The following SGPP2 variants were observed in gnomAD, a reference collection of about 807,000 sequenced individuals.
SGPP2 encodes sphingosine 1-phosphate phosphohydrolase 2.
SGPP2 carries 30 observed loss-of-function variants against 33.9 expected under a neutral mutation model. The ratio of observed to expected loss-of-function variants is 0.89; its 90% CI spans 0.66 to 1.20. The LOEUF (loss-of-function observed/expected upper bound fraction) is 1.20. Among genes scored for constraint, SGPP2 ranks in the 50% most tolerant of loss-of-function variants. The pLI, the probability that SGPP2 is intolerant of heterozygous loss-of-function variation, is 0.00. For synonymous variants in SGPP2, 233 were observed against 225.0 expected (o/e 1.04, Z -0.32); for missense variants, 458 against 532.1 (o/e 0.86, Z 1.37).
rs113061865 is a variant in SGPP2 at position 222,540,151 on chromosome 2, G to T, written c.648+15118G>T. Among the ~76,000 whole-genome samples the T allele has an allele frequency of 4.5e-3, 684 of 152,224 alleles. 1 individual carries two copies. Among genetic ancestry groups the T allele is most frequent in the Non-Finnish European group, 7.7e-3 (525 of 68,012 alleles). ...AAACTAGGAGTGTTTTGGATTTGGG[G>T]TTTTTTCAGATTTTTGAATATTTGA... On this transcript the variant is annotated intron_variant, in intron 4 of 4. Coordinates refer to ENST00000321276, the MANE Select transcript of SGPP2 (RefSeq NM_152386.4).
At position 222,497,284 on chromosome 2, in the gene SGPP2, G is replaced by T. The variant is rs564465565; in HGVS notation, c.378+22558G>T. Among the ~76,000 whole-genome samples the T allele has an allele frequency of 1.2e-3, 144 of 116,094 alleles. 1 individual carries two copies. Among genetic ancestry groups the T allele is most frequent in the Admixed American group, 3.7e-3 (31 of 8,278 alleles). The allele number at this position is 116,094 out of a possible 152,430, so 76.2% of individuals were successfully genotyped here. On this transcript the variant is annotated intron_variant, in intron 2 of 4. Transcript: ENST00000321276. ...TTTTTTTTTTTTTAGACGGAGTCTTGCTCTGTCGCCCAGGCTGGAGTGCAA... is the reference window on the plus strand; with the variant it reads ...TTTTTTTTTTTTTAGACGGAGTCTTTCTCTGTCGCCCAGGCTGGAGTGCAA...
intron 2 of SGPP2, among the ~76,000 whole-genome samples, chr2:222,484,612 A>T (rs927540927): frequency 6.6e-6 from 1 of 152,186 alleles, no homozygotes. Flanking sequence ...CTTACCGAGA[A>T]AAAACAAACA....
chr2:222,433,146 T>A (rs756171222), intron 1 of SGPP2, among the ~76,000 whole-genome samples: 12 of 151,052 alleles, frequency 7.9e-5, no homozygotes, highest in Admixed American at 4.0e-4. Context: ...AGAAAAAAAA[T>A]TTCTGAATGG....
At position 222,425,268 on chromosome 2, in the gene SGPP2, C is replaced by T. The variant is rs996818890; in HGVS notation, c.219+447C>T. ...GCACAAATGCGGGTGCAGCCGGGCT[C>T]AGCGCGCTCCTCACCGCGCTGCACC... is the stretch of plus-strand genomic sequence containing the variant. On this transcript the variant is annotated intron_variant, in intron 1 of 4. Coordinates refer to ENST00000321276, the MANE Select transcript of SGPP2 (RefSeq NM_152386.4). 3.3e-5 allele frequency among the ~76,000 whole-genome samples: 5 copies of T among 152,064 alleles called. No individual in the cohort carries two copies. The East Asian group carries it at 9.7e-4, about 29-fold the overall frequency.
chr2:222,553,959 C>T (rs1689343296), intron 4 of SGPP2, among the ~76,000 whole-genome samples: 2 of 152,156 alleles, frequency 1.3e-5, no homozygotes, highest in Admixed American at 1.3e-4. Flanking sequence ...ACAGAATGCC[C>T]TCAGAGCTTC....
In SGPP2 at chr2:222,464,605, C is replaced by T. The variant is rs185528356; in HGVS notation, c.220-9963C>T. On this transcript the variant is annotated intron_variant, in intron 1 of 4. Transcript: ENST00000321276. ...TCAAACAATTCTCTCACCTCAACCTCCCAAATAGCTGGGACCACAGGTGTG... is the reference window on the plus strand; with the variant it reads ...TCAAACAATTCTCTCACCTCAACCTTCCAAATAGCTGGGACCACAGGTGTG... Among the ~76,000 whole-genome samples, 5 of 152,320 alleles carry T rather than the reference C, an allele frequency of 3.3e-5. No individual in the cohort carries two copies. The East Asian group carries it at 9.6e-4, about 29-fold the overall frequency.
At chr2:222,551,333 C>T (rs1168316121) in intron 4 of SGPP2, among the ~76,000 whole-genome samples, 1 of 151,730 alleles carries the variant, frequency 6.6e-6, no homozygotes, top group African/African-American at 2.4e-5. Context: ...CTATGCAGCT[C>T]CAAAGAAGTA....
intron 2 of SGPP2, among the ~76,000 whole-genome samples, chr2:222,479,736 G>A (rs1446513486): frequency 1.3e-5 from 2 of 152,024 alleles, no homozygotes; most frequent in African/African-American, 4.8e-5. Flanking sequence ...TTTATGCCTA[G>A]TGTTCCATTA....
chr2:222,473,549 T>C (rs999140793), intron 1 of SGPP2, among the ~76,000 whole-genome samples: 7 of 151,684 alleles, frequency 4.6e-5, no homozygotes, highest in Non-Finnish European at 1.0e-4. Context: ...TGAAGAGAGG[T>C]TGTTTAATGC....
Position 222,465,218 on chromosome 2 carries a change from G to GAAATCCCAGCACCTTGGGAGGCC in SGPP2, c.220-9346_220-9345insCCCAGCACCTTGGGAGGCCAAAT, listed in dbSNP as rs1323025485. Among the ~76,000 whole-genome samples, 1 of 152,146 alleles carries GAAATCCCAGCACCTTGGGAGGCC rather than the reference G, an allele frequency of 6.6e-6. No individual in the cohort carries two copies. Among genetic ancestry groups the GAAATCCCAGCACCTTGGGAGGCC allele is most frequent in the African/African-American group, 2.4e-5 (1 of 41,438 alleles). On this transcript the variant is annotated intron_variant, in intron 1 of 4. Coordinates refer to ENST00000321276, the MANE Select transcript of SGPP2 (RefSeq NM_152386.4). The surrounding 1 kb of genome is among the most constrained non-coding windows in gnomAD (Gnocchi z 4.1). ...TATTGACTTTCAGTCTCGCCATCCT[G>GAAATCCCAGCACCTTGGGAGGCC]AAATTTTAATCACCTGAGCGCTGCT...
intron 4 of SGPP2, among the ~76,000 whole-genome samples, chr2:222,548,778 G>A (rs541303055): frequency 6.6e-5 from 10 of 152,208 alleles, no homozygotes; most frequent in East Asian, 3.9e-4. Flanking sequence ...GTTTCTCTCC[G>A]TAATCATTTA....
intron 1 of SGPP2, among the ~76,000 whole-genome samples, chr2:222,431,830 A>G (rs988247262): frequency 2.6e-5 from 4 of 152,184 alleles, no homozygotes; most frequent in African/African-American, 7.2e-5. Context: ...ATATCCTACC[A>G]GTGCCCCCAC....
At chr2:222,528,444 A>G (rs904247596) in intron 4 of SGPP2, among the ~76,000 whole-genome samples, 34 of 152,042 alleles carry the variant, frequency 2.2e-4, no homozygotes, top group African/African-American at 1.2e-4. Flanking sequence ...AAAAAAAAGC[A>G]ATGTACATAT....
In SGPP2 at chr2:222,474,823, T is replaced by A. The variant is rs1046572736; in HGVS notation, c.378+97T>A. ...TGCAAATATGTTCTTTCTTTTTTTTTTTTTTTTTACCACTTAGAGTTGAAT... is the reference window on the plus strand; with the variant it reads ...TGCAAATATGTTCTTTCTTTTTTTTATTTTTTTTACCACTTAGAGTTGAAT... On this transcript the variant is annotated intron_variant, in intron 2 of 4. Transcript: ENST00000321276. 6 of 1,056,258 alleles carry A rather than the reference T, an allele frequency of 5.7e-6. No homozygotes were observed. The East Asian group carries it at 1.3e-4, about 23-fold the overall frequency. 65.4% of individuals were successfully genotyped at this position (1,056,258 alleles called of 1,614,324 possible).
At chr2:222,438,901 T>C (rs1697284466) in intron 1 of SGPP2, among the ~76,000 whole-genome samples, 1 of 152,214 alleles carries the variant, frequency 6.6e-6, no homozygotes, top group South Asian at 2.1e-4. Flanking sequence ...CCCGCCATAA[T>C]AGCCCTCACC....
At chr2:222,468,459 A>G (rs73993568) in intron 1 of SGPP2, among the ~76,000 whole-genome samples, 1,951 of 151,896 alleles carry the variant, frequency 0.013, 39 homozygotes, top group African/African-American at 0.044. Flanking sequence ...TTTGCAGTTG[A>G]GGCTGTTGAG....
chr2:222,551,503 T>A (rs1235960244), intron 4 of SGPP2, among the ~76,000 whole-genome samples: 1 of 152,262 alleles, frequency 6.6e-6, no homozygotes, highest in Non-Finnish European at 1.5e-5. Flanking sequence ...TTACTGTCTT[T>A]ATTTTTAGAA....
At chr2:222,496,012 G>A (rs150094263) in intron 2 of SGPP2, among the ~76,000 whole-genome samples, 7 of 152,176 alleles carry the variant, frequency 4.6e-5, no homozygotes, top group South Asian at 2.1e-4. Context: ...AGAAATGCCC[G>A]TTCCTCCTTT....
Position 222,550,671 on chromosome 2 carries a change from G to A in SGPP2, c.649-7676G>A, listed in dbSNP as rs753918235. ...CTGCTATATTATTAAATAAGGCAGCGTGGTTTTTATCTCATTTTTGGTGTA... is the reference window on the plus strand; with the variant it reads ...CTGCTATATTATTAAATAAGGCAGCATGGTTTTTATCTCATTTTTGGTGTA... On this transcript the variant is annotated intron_variant, in intron 4 of 4. Transcript: ENST00000321276. This position sits in a 1 kb window ranked among gnomAD's most constrained non-coding sequence, Gnocchi z 4.5. Among the ~76,000 whole-genome samples the A allele has an allele frequency of 3.2e-4, 48 of 152,282 alleles. No individual in the cohort carries two copies. The highest frequency in any genetic ancestry group is 2.1e-3 in the East Asian group (11 of 5,186).
Sources: allele counts gnomAD v4.1 joint callset (sites outside exome capture counted in the v4.1 genomes callset), GRCh38; gene constraint gnomAD v4.1.1; non-coding constraint Gnocchi (gnomAD v3.1); transcripts MANE v1.5; gene names NCBI Gene and HGNC (gene_info 2026-07-23, HGNC 2026-07-21).